The following AOPEP variants were observed in gnomAD, a reference collection of about 807,000 sequenced individuals.
AOPEP encodes the protein aminopeptidase O (putative), also known as aminopeptidase O.
In AOPEP, 77 loss-of-function variants were observed where a neutral mutation model predicts 98.1. The ratio of observed to expected loss-of-function variants is 0.78; its 90% CI spans 0.65 to 0.95. The LOEUF is 0.95. Among genes scored for constraint, AOPEP ranks in the 40% least tolerant of loss-of-function variants. AOPEP has a pLI of 0.00. For synonymous variants in AOPEP, 346 were observed against 365.3 expected (o/e 0.95, Z 0.60); for missense variants, 1,024 against 1,024.7 (o/e 1.00, Z 0.01).
the AOPEP span, among the ~76,000 whole-genome samples, chr9:95,133,064 C>T: frequency 1.1e-3 from 161 of 152,352 alleles, no homozygotes; most frequent in African/African-American, 3.7e-3. Flanking sequence ...TTAGAGATCT[C>T]TCTGATACTT....
intron 13 of AOPEP, among the ~76,000 whole-genome samples, chr9:95,057,395 C>T (rs567640623): frequency 4.6e-5 from 7 of 152,236 alleles, no homozygotes; most frequent in Non-Finnish European, 1.0e-4. Flanking sequence ...CCCCTGTGCC[C>T]GCCCCGGGCT....
intron 16 of AOPEP, chr9:95,086,017 C>T (rs1488970847): frequency 4.4e-6 from 6 of 1,366,906 alleles, no homozygotes; most frequent in Admixed American, 1.9e-5. Context: ...CGATTGGACC[C>T]GCCCTCCGGT....
chr9:94,932,222 T>A (rs2055444025), intron 7 of AOPEP: 1 of 986,710 alleles, frequency 1.0e-6, no homozygotes, highest in African/African-American at 1.7e-5. Context: ...GTATGCTTGG[T>A]CCAAGCATCT....
intron 16 of AOPEP, chr9:95,085,326 C>T (rs567611435): frequency 5.2e-5 from 25 of 482,328 alleles, no homozygotes; most frequent in South Asian, 1.2e-4. Context: ...AAACCGTGGT[C>T]GCGCTCACTG....
intron 5 of AOPEP, among the ~76,000 whole-genome samples, chr9:94,806,996 T>A (rs1348358678): frequency 2.6e-5 from 4 of 152,212 alleles, no homozygotes; most frequent in Admixed American, 6.5e-5. Flanking sequence ...GATGTGTAAC[T>A]GTTTCTAAGG....
At chr9:94,726,851 C>G (rs1029603802) in intron 1 of AOPEP, 100 bp downstream of exon 1, 5 of 152,346 alleles carry the variant, frequency 3.3e-5, no homozygotes, top group African/African-American at 1.2e-4. Context: ...GACGGGGAAC[C>G]CTCCCTTACC....
intron 11 of AOPEP, among the ~76,000 whole-genome samples, chr9:94,986,137 A>G (rs2060499973): frequency 6.6e-6 from 1 of 152,154 alleles, no homozygotes; most frequent in African/African-American, 2.4e-5. Flanking sequence ...CAAGGTGCCA[A>G]CAGCGTTGGT....
At chr9:95,060,355 A>T (rs946594598) in intron 13 of AOPEP, among the ~76,000 whole-genome samples, 1 of 152,194 alleles carries the variant, frequency 6.6e-6, no homozygotes, top group South Asian at 2.1e-4. Flanking sequence ...GCTAAATTAC[A>T]TTTTCTGGTG....
At chr9:94,931,223 T>C (rs907848719) in intron 7 of AOPEP, among the ~76,000 whole-genome samples, 1 of 152,138 alleles carries the variant, frequency 6.6e-6, no homozygotes, top group Admixed American at 6.5e-5. Context: ...GCCAAGATCT[T>C]TTCCTTTGTG....
intron 13 of AOPEP, 135 bp from the exon 14 acceptor site, chr9:95,060,559 C>G: frequency 1.4e-6 from 1 of 690,066 alleles, no homozygotes; most frequent in Non-Finnish European, 2.6e-6. Context: ...GTCAGCCGAA[C>G]AGTCTTTCCA....
the AOPEP span, chr9:95,101,457 C>A: frequency 1.8e-6 from 1 of 555,436 alleles, no homozygotes; most frequent in Non-Finnish European, 3.2e-6. Context: ...TCTGGCCGGG[C>A]GGGCACCAGG....
Position 94,895,219 on chromosome 9 carries a change from T to TAATAAAAAAAAAAAAA in AOPEP, c.1365-28765_1365-28764insTAAAAAAAAAAAAAAA, listed in dbSNP as rs1204411552. 8.2e-5 allele frequency among the ~76,000 whole-genome samples: 5 copies of TAATAAAAAAAAAAAAA among 60,692 alleles called. 1 individual carries two copies. The highest frequency in any genetic ancestry group is 9.6e-4 in the East Asian group (2 of 2,082). 39.8% of individuals were successfully genotyped at this position (60,692 alleles called of 152,430 possible). On this transcript the variant is annotated intron_variant, in intron 5 of 16. Transcript: ENST00000375315. Reference sequence around the variant, plus strand: ...CAACACAGTGAAACCTCATCTCTACTAAAAAAAAATAAAATAAAATAAAAA... The same window carrying TAATAAAAAAAAAAAAA: ...CAACACAGTGAAACCTCATCTCTACTAATAAAAAAAAAAAAAAAAAAAAAATAAAATAAAATAAAAA...
intron 5 of AOPEP, among the ~76,000 whole-genome samples, chr9:94,813,309 A>G (rs796840009): frequency 6.6e-6 from 1 of 152,282 alleles, no homozygotes; most frequent in African/African-American, 2.4e-5. Context: ...CAGATTAAAG[A>G]TCTTGGTTGC....
At position 94,928,852 on chromosome 9, in the gene AOPEP, C is replaced by T. The variant is rs1452340795; in HGVS notation, c.1661+321C>T. Reference sequence around the variant, plus strand: ...CGAGGGTTGGGGTTTGGCAGCCTGGCAGACAGTAAACCTATAAAGCCAAAG... The same window carrying T: ...CGAGGGTTGGGGTTTGGCAGCCTGGTAGACAGTAAACCTATAAAGCCAAAG... On this transcript the variant is annotated intron_variant, in intron 7 of 16. Transcript: ENST00000375315. 3.1e-5 allele frequency: 8 copies of T among 257,772 alleles called. No individual in the cohort carries two copies. The East Asian group carries it at 8.9e-4, about 29-fold the overall frequency. 16.0% of individuals were successfully genotyped at this position (257,772 alleles called of 1,614,324 possible).
rs757942206 is a variant in AOPEP at position 95,082,722 on chromosome 9, GA to G, written c.*4+4del. ...GGCCGAAATGTTATTTTAACGAGGT[GA>G]TTCTCTCCCTTTCCTTTCTGTCATT... On this transcript the variant is annotated splice_donor_region_variant and intron_variant, in intron 16 of 16. Coordinates refer to ENST00000375315, the MANE Select transcript of AOPEP (RefSeq NM_001193329.3). The G allele has an allele frequency of 1.9e-6, 3 of 1,614,066 alleles. No individual in the cohort carries two copies. The South Asian group carries it at 3.3e-5, about 18-fold the overall frequency.
chr9:95,132,880 T>C, the AOPEP span, among the ~76,000 whole-genome samples: 2 of 152,332 alleles, frequency 1.3e-5, no homozygotes, highest in East Asian at 1.9e-4. Flanking sequence ...CTATAGAATT[T>C]CCAGGACTCA....
At chr9:95,135,376 C>T in the AOPEP span, 1 of 1,614,098 alleles carries the variant, frequency 6.2e-7, no homozygotes, top group Non-Finnish European at 8.5e-7. Context: ...AGCATTCGAT[C>T]CTTCTCAGAC....
intron 5 of AOPEP, among the ~76,000 whole-genome samples, chr9:94,879,219 G>A (rs1005258655): frequency 2.0e-5 from 3 of 152,208 alleles, no homozygotes; most frequent in African/African-American, 4.8e-5. Flanking sequence ...TCCTAAAAAG[G>A]CCGTCTAGTA....
intron 4 of AOPEP, among the ~76,000 whole-genome samples, chr9:94,798,374 T>G (rs1433217297): frequency 6.6e-6 from 1 of 152,198 alleles, no homozygotes; most frequent in Non-Finnish European, 1.5e-5. Context: ...CTAACTTGCC[T>G]TGTTCCTGAT....
Sources: allele counts gnomAD v4.1 joint callset (sites outside exome capture counted in the v4.1 genomes callset), GRCh38; gene constraint gnomAD v4.1.1; transcripts MANE v1.5; gene names NCBI Gene and HGNC (gene_info 2026-07-23, HGNC 2026-07-21).